Variants in THSD4 observed in about 807,000 individuals in gnomAD.
THSD4 encodes thrombospondin type-1 domain-containing protein 4.
THSD4 carries 69 observed loss-of-function variants against 119.0 expected under a neutral mutation model. The observed-to-expected ratio is 0.58, with a 90% CI of 0.48 to 0.71. THSD4 has a LOEUF of 0.71. THSD4 is among the 30% of genes least tolerant of loss of function. The pLI, the probability that THSD4 is intolerant of heterozygous loss-of-function variation, is 0.00. For missense variants in THSD4, 1,393 were observed against 1,391.1 expected, an observed-to-expected ratio of 1.00 and a Z score of -0.02; for synonymous variants, 524 against 540.4, an observed-to-expected ratio of 0.97 and a Z score of 0.42.
At chr15:71,662,141 A>G (rs994327169) in intron 8 of THSD4, among the ~76,000 whole-genome samples, 1 of 152,166 alleles carries the variant, frequency 6.6e-6, no homozygotes, top group Admixed American at 6.5e-5. Context: ...TTGAAAGACT[A>G]TTAAGTCTGC....
intron 6 of THSD4, among the ~76,000 whole-genome samples, chr15:71,270,584 A>G (rs1482570049): frequency 2.0e-5 from 3 of 152,202 alleles, no homozygotes; most frequent in African/African-American, 7.2e-5. Flanking sequence ...GGCCTAGACT[A>G]GTTAACTAAC....
At chr15:71,432,413 A>G (rs1283510453) in intron 7 of THSD4, among the ~76,000 whole-genome samples, 1 of 152,238 alleles carries the variant, frequency 6.6e-6, no homozygotes, top group African/African-American at 2.4e-5. Context: ...AGAGATTTCA[A>G]AAAGCTAAAA....
At chr15:71,098,011 A>T (rs1455323201) in intron 1 of THSD4, among the ~76,000 whole-genome samples, 1 of 151,950 alleles carries the variant, frequency 6.6e-6, no homozygotes, top group Non-Finnish European at 1.5e-5. Flanking sequence ...CACTTGCATT[A>T]CTTCATAGGA....
At chr15:71,341,089 T>G in intron 6 of THSD4, 1 of 1,113,894 alleles carries the variant, frequency 9.0e-7, no homozygotes, top group Non-Finnish European at 1.3e-6. Context: ...TCTTTTCTAT[T>G]GTCTCTTCTG....
intron 6 of THSD4, among the ~76,000 whole-genome samples, chr15:71,336,891 A>T (rs529500079): frequency 6.6e-6 from 1 of 152,224 alleles, no homozygotes; most frequent in African/African-American, 2.4e-5. Context: ...CTGTTCCTTC[A>T]TGTCAACTGA....
chr15:71,123,559 G>T (rs1208110097), intron 1 of THSD4, among the ~76,000 whole-genome samples: 3 of 152,196 alleles, frequency 2.0e-5, no homozygotes, highest in African/African-American at 7.2e-5. Context: ...TTCTTGCCTG[G>T]GAGTGTGAGA....
intron 6 of THSD4, chr15:71,342,235 AAAATAC>A (rs749260951): frequency 1.7e-5 from 3 of 180,216 alleles, no homozygotes; most frequent in Non-Finnish European, 3.5e-5. Flanking sequence ...ATGAGGTTTT[AAAATAC>A]GCTTTGGGAA....
intron 17 of THSD4, 150 bp from the exon 18 acceptor site, chr15:71,777,082 C>A: frequency 2.5e-6 from 2 of 809,196 alleles, no homozygotes; most frequent in South Asian, 1.8e-5. Flanking sequence ...AAGAGAAAAA[C>A]CTGTGAGCCC....
intron 6 of THSD4, among the ~76,000 whole-genome samples, chr15:71,377,407 A>G (rs1251462115): frequency 6.6e-6 from 1 of 151,952 alleles, no homozygotes; most frequent in Non-Finnish European, 1.5e-5. Context: ...AGGAAAGGGG[A>G]GAGGGGAGGA....
At chr15:71,457,469 CA>C (rs1442850294) in intron 7 of THSD4, among the ~76,000 whole-genome samples, 2 of 150,946 alleles carry the variant, frequency 1.3e-5, no homozygotes, top group African/African-American at 4.9e-5. Context: ...ATGGATTCAT[CA>C]CCTGAAATGC....
At chr15:71,629,185 C>A (rs1038631329) in intron 7 of THSD4, among the ~76,000 whole-genome samples, 1 of 152,064 alleles carries the variant, frequency 6.6e-6, no homozygotes, top group African/African-American at 2.4e-5. Flanking sequence ...CTCATGGGGG[C>A]TCCCTCTGCA....
At chr15:71,752,627 C>T (rs563524064) in intron 14 of THSD4, among the ~76,000 whole-genome samples, 2 of 152,312 alleles carry the variant, frequency 1.3e-5, no homozygotes, top group African/African-American at 2.4e-5. Flanking sequence ...ATGACCATCA[C>T]TTATTTCGTA....
In THSD4 at chr15:71,256,630, T is replaced by C. The variant is rs748298767; in HGVS notation, c.930T>C (p.Ser310=). ...LCNTNVCPES[S]RSIREVQCAS... is the part of the protein sequence containing the mutation. ...TTTATTAGGTATGTCCAGAAAGCAGTAGAAGTATCCGGGAGGTACAGTGTG... is the reference window on the plus strand; with the variant it reads ...TTTATTAGGTATGTCCAGAAAGCAGCAGAAGTATCCGGGAGGTACAGTGTG... Residue 310 remains serine (S), a synonymous_variant, in exon 6 of 18, where the codon AGT becomes AGC. Coordinates refer to ENST00000261862, the MANE Select transcript of THSD4 (RefSeq NM_024817.3). 3.7e-6 allele frequency: 6 copies of C among 1,613,968 alleles called. No homozygotes were observed. In the East Asian group the frequency reaches 1.3e-4, roughly 36 times the overall value.
intron 5 of THSD4, among the ~76,000 whole-genome samples, chr15:71,246,025 G>A (rs2044196728): frequency 6.6e-6 from 1 of 152,154 alleles, no homozygotes; most frequent in South Asian, 2.1e-4. Flanking sequence ...ATCAAGAGAG[G>A]ACATGAATGA....
chr15:71,116,235 G>C (rs947403058), intron 1 of THSD4, among the ~76,000 whole-genome samples: 1 of 152,244 alleles, frequency 6.6e-6, no homozygotes, highest in South Asian at 2.1e-4. Context: ...CCCAGCGAGC[G>C]CCTGGAGCCC....
chr15:71,394,207 A>G (rs981569777), intron 6 of THSD4, among the ~76,000 whole-genome samples: 3 of 151,144 alleles, frequency 2.0e-5, no homozygotes, highest in African/African-American at 7.3e-5. Flanking sequence ...CAAACTAGAC[A>G]CTTAAAGGTG....
Position 71,560,035 on chromosome 15 carries a change from A to G in THSD4, c.1153-100495A>G, listed in dbSNP as rs1173472043. Among the ~76,000 whole-genome samples, 4 of 152,180 alleles carry G rather than the reference A, an allele frequency of 2.6e-5. No individual in the cohort carries two copies. In the East Asian group the frequency reaches 5.8e-4, roughly 22 times the overall value. ...GTCTTATACTATACTTTTGACATGC[A>G]TACTCAATTAGGCATTTCTCCTTTA... On this transcript the variant is annotated intron_variant, in intron 7 of 17. Transcript: ENST00000261862.
intron 7 of THSD4, among the ~76,000 whole-genome samples, chr15:71,588,300 C>T (rs866268217): frequency 0.034 from 2,340 of 68,814 alleles, 55 homozygotes; most frequent in African/African-American, 0.1. Flanking sequence ...AGCGAGACTC[C>T]GTCTCAAAAA....
chr15:71,637,523 G>A (rs2050768195), intron 7 of THSD4, among the ~76,000 whole-genome samples: 1 of 152,082 alleles, frequency 6.6e-6, no homozygotes, highest in East Asian at 1.9e-4. Flanking sequence ...TGAAGCTACT[G>A]GCATCCTCAG....
Sources: gnomAD v4.1 joint callset for allele counts (sites outside exome capture counted in the v4.1 genomes callset) on GRCh38, gnomAD v4.1.1 for gene constraint, MANE v1.5 for transcripts, NCBI Gene and HGNC (gene_info 2026-07-23, HGNC 2026-07-21) for gene names.